UNC5D: variants seen among roughly 807,000 people sequenced by gnomAD.
The protein encoded by UNC5D is unc-5 netrin receptor D, also known as netrin receptor UNC5D.
In UNC5D, 39 loss-of-function variants were observed where a neutral mutation model predicts 105.4. The observed-to-expected ratio is 0.37, with a 90% CI of 0.29 to 0.48. The LOEUF (loss-of-function observed/expected upper bound fraction) is 0.48. Among genes scored for constraint, UNC5D ranks in the 20% least tolerant of loss-of-function variants. The pLI, the probability that UNC5D is intolerant of heterozygous loss-of-function variation, is 0.98. For missense variants in UNC5D, 991 were observed against 1,202.4 expected (o/e 0.82, Z 2.60); for synonymous variants, 452 against 450.4 (o/e 1.00, Z -0.04).
intron 1 of UNC5D, among the ~76,000 whole-genome samples, chr8:35,375,731 G>A (rs899369516): frequency 2.0e-5 from 3 of 151,976 alleles, no homozygotes; most frequent in Non-Finnish European, 2.9e-5. Flanking sequence ...TCATGGAGTC[G>A]GCAGTTTCTA....
chr8:35,769,024 T>G (rs1487871605), intron 15 of UNC5D, among the ~76,000 whole-genome samples: 19 of 152,244 alleles, frequency 1.2e-4, no homozygotes. Context: ...CTGTATTTTT[T>G]AGACAAGTCT....
chr8:35,470,385 G>A lies in UNC5D; in HGVS notation c.104-78907G>A, dbSNP rs187483293. On this transcript the variant is annotated intron_variant, in intron 1 of 16. Transcript: ENST00000404895. ...GTCATGACACCTTGTTGACCTAGGG[G>A]AATTGGCCATGGATCCTGATATTGA... Among the ~76,000 whole-genome samples, 603 of 152,056 alleles carry A rather than the reference G, an allele frequency of 4.0e-3. 4 individuals carry two copies. Among genetic ancestry groups the A allele is most frequent in the Middle Eastern group, 0.014 (4 of 294 alleles).
At position 35,750,614 on chromosome 8, in the gene UNC5D, C is replaced by T. The variant is rs764719963; in HGVS notation, c.1968C>T (p.Ser656=). ...EVMSVEDEST[S]CYCLLDPFAC... is the part of the protein sequence containing the mutation. ...TGTCAGTGGAAGATGAATCTACATC[C>T]TGTTACTGCCTTTTGGACCCCTTTG... The change falls in exon 13 of 17, where the codon TCC becomes TCT. Residue 656 remains serine (S), a synonymous_variant. Coordinates refer to ENST00000404895, the MANE Select transcript of UNC5D (RefSeq NM_080872.4). 9.5e-5 allele frequency: 153 copies of T among 1,613,952 alleles called. No homozygotes were observed. The highest frequency in any genetic ancestry group is 1.3e-4 in the Non-Finnish European group (152 of 1,180,034).
At position 35,683,802 on chromosome 8, in the gene UNC5D, T is replaced by C. The variant is rs73674086; in HGVS notation, c.751+75T>C. ...AGAGGGATGTGTGTTTTATTAAAAC[T>C]TTCAATGTCGAGAGCTGCAAAGACC... On this transcript the variant is annotated intron_variant, in intron 5 of 16. Transcript: ENST00000404895. 6,266 of 1,353,554 alleles carry C rather than the reference T, an allele frequency of 4.6e-3. 265 individuals are homozygous for C. The African/African-American group carries it at 0.085, about 18-fold the overall frequency. 83.8% of individuals were successfully genotyped at this position (1,353,554 alleles called of 1,614,324 possible). A position where few individuals can be genotyped will look rare whatever the true frequency, so the allele number is the denominator to read the frequency against.
chr8:35,237,638 C>T (rs1425874588), intron 1 of UNC5D, among the ~76,000 whole-genome samples: 1 of 152,150 alleles, frequency 6.6e-6, no homozygotes, highest in African/African-American at 2.4e-5. Flanking sequence ...TTAAAGGTCT[C>T]CTGGAAAACA....
chr8:35,385,688 A>G (rs1397994732), intron 1 of UNC5D, among the ~76,000 whole-genome samples: 1 of 151,906 alleles, frequency 6.6e-6, no homozygotes, highest in African/African-American at 2.4e-5. Context: ...GATGGTCTCG[A>G]TCTCCTGACC....
At chr8:35,440,964 G>A (rs115988972) in intron 1 of UNC5D, among the ~76,000 whole-genome samples, 2,585 of 151,958 alleles carry the variant, frequency 0.017, 83 homozygotes, top group African/African-American at 0.059. Flanking sequence ...TCTTTTGAGC[G>A]AGATTTAGTA....
chr8:35,480,215 C>T (rs1252146803), intron 1 of UNC5D, among the ~76,000 whole-genome samples: 1 of 152,124 alleles, frequency 6.6e-6, no homozygotes, highest in African/African-American at 2.4e-5. Context: ...TATATGGTTC[C>T]ATTGCCAAAC....
chr8:35,345,867 T>C (rs1267208899), intron 1 of UNC5D, among the ~76,000 whole-genome samples: 4 of 151,790 alleles, frequency 2.6e-5, no homozygotes, highest in Non-Finnish European at 4.4e-5. Flanking sequence ...TAAAGCAGAG[T>C]CATCTCTTTG....
intron 3 of UNC5D, among the ~76,000 whole-genome samples, chr8:35,595,119 G>T (rs1412096259): frequency 6.6e-6 from 1 of 152,182 alleles, no homozygotes; most frequent in South Asian, 2.1e-4. Context: ...AGGGTTAAGG[G>T]AATGGCAGAG....
rs751657864 is a variant in UNC5D at position 35,774,345 on chromosome 8, T to C, written c.2525T>C (p.Phe842Ser). The C allele has an allele frequency of 1.2e-5, 19 of 1,613,946 alleles. No homozygotes were observed. The East Asian group carries it at 3.8e-4, about 32-fold the overall frequency. Residue 842 changes from phenylalanine (F) to serine (S), a missense_variant, in exon 16 of 17, where the codon TTC (phenylalanine) becomes TCC (serine). By Grantham distance (155) the Phe-to-Ser change is radical. Transcript: ENST00000404895. ...ITFFAQEDST[F>S]PAQTGPKAFK... Reference sequence around the variant, plus strand: ...TTCTTCGCACAAGAGGACAGCACTTTCCCTGCACAGACTGGCCCCAAAGCC... The same window carrying C: ...TTCTTCGCACAAGAGGACAGCACTTCCCCTGCACAGACTGGCCCCAAAGCC...
intron 1 of UNC5D, among the ~76,000 whole-genome samples, chr8:35,237,806 G>C (rs748194634): frequency 3.3e-5 from 5 of 152,222 alleles, no homozygotes; most frequent in African/African-American, 4.8e-5. Context: ...AACTGTCAGA[G>C]AGTCCTCAAG....
At chr8:35,541,502 A>C (rs1178593255) in intron 1 of UNC5D, among the ~76,000 whole-genome samples, 1 of 152,128 alleles carries the variant, frequency 6.6e-6, no homozygotes, top group Non-Finnish European at 1.5e-5. Flanking sequence ...CACATTTCCT[A>C]AGATTTCTCT....
intron 1 of UNC5D, among the ~76,000 whole-genome samples, chr8:35,355,379 T>C (rs1801490228): frequency 6.6e-6 from 1 of 152,166 alleles, no homozygotes; most frequent in South Asian, 2.1e-4. Flanking sequence ...GTTAGGAAAT[T>C]CCTGCCCAGG....
intron 1 of UNC5D, among the ~76,000 whole-genome samples, chr8:35,246,532 C>CCATT (rs1803111802): frequency 6.6e-6 from 1 of 152,172 alleles, no homozygotes; most frequent in South Asian, 2.1e-4. Context: ...CCATAGCTCA[C>CCATT]CATTGCTCAG....
chr8:35,307,546 G>A (rs1446277094), intron 1 of UNC5D, among the ~76,000 whole-genome samples: 1 of 152,178 alleles, frequency 6.6e-6, no homozygotes, highest in Non-Finnish European at 1.5e-5. Flanking sequence ...TAAGTGAGGA[G>A]AGGCTCAAGA....
chr8:35,496,501 TA>T (rs1811604073), intron 1 of UNC5D, among the ~76,000 whole-genome samples: 1 of 152,064 alleles, frequency 6.6e-6, no homozygotes, highest in Non-Finnish European at 1.5e-5. Context: ...TGGAAAGAGA[TA>T]AATAACTCAG....
At chr8:35,378,311 A>T (rs1384207058) in intron 1 of UNC5D, among the ~76,000 whole-genome samples, 1 of 151,862 alleles carries the variant, frequency 6.6e-6, no homozygotes, top group African/African-American at 2.4e-5. Flanking sequence ...CTTAGTGTCA[A>T]CCCCCTAGTT....
In UNC5D at chr8:35,513,061, A is replaced by T. The variant is rs181637451; in HGVS notation, c.104-36231A>T. Among the ~76,000 whole-genome samples the T allele has an allele frequency of 2.0e-5, 3 of 151,650 alleles. No homozygotes were observed. In the East Asian group the frequency reaches 5.9e-4, roughly 30 times the overall value. ...ACGCCTTCCCTCCACACTCCCATGC[A>T]CACCTTGCAGCACACTTGCTTTCTT... On this transcript the variant is annotated intron_variant, in intron 1 of 16. Transcript: ENST00000404895.
Sources: allele counts gnomAD v4.1 joint callset (sites outside exome capture counted in the v4.1 genomes callset), GRCh38; gene constraint gnomAD v4.1.1; transcripts MANE v1.5; gene names NCBI Gene and HGNC (gene_info 2026-07-23, HGNC 2026-07-21).